Variants in WDR19 observed in about 807,000 individuals in gnomAD.
The protein encoded by WDR19 is WD repeat domain 19, also known as WD repeat-containing protein 19.
WDR19 carries 121 observed loss-of-function variants against 180.0 expected under a neutral mutation model. The observed-to-expected ratio is 0.67, with a 90% CI of 0.58 to 0.78. The LOEUF is 0.78. WDR19 is among the 30% of genes least tolerant of loss of function. The pLI, the probability that WDR19 is intolerant of heterozygous loss-of-function variation, is 0.00. For synonymous variants in WDR19, 497 were observed against 540.7 expected (o/e 0.92, Z 1.12); for missense variants, 1,450 against 1,640.7 (o/e 0.88, Z 2.01).
chr4:39,266,054 A>G lies in WDR19; in HGVS notation c.3184-9A>G, dbSNP rs2109483054. 1 of 1,552,520 alleles carries G rather than the reference A, an allele frequency of 6.4e-7. No individual in the cohort carries two copies. On this transcript the variant is annotated splice_polypyrimidine_tract_variant and intron_variant, in intron 28 of 36. Coordinates refer to ENST00000399820, the MANE Select transcript of WDR19 (RefSeq NM_025132.4). ...TGAATTTGCTGGGTTTTTCTCTCTT[A>G]TTAAACAGGTTGGTCAGGCCAAAGA...
intron 9 of WDR19, among the ~76,000 whole-genome samples, chr4:39,214,247 T>C (rs907310016): frequency 6.6e-6 from 1 of 152,162 alleles, no homozygotes; most frequent in African/African-American, 2.4e-5. Flanking sequence ...ACCTGTATCA[T>C]CTTACAATAA....
chr4:39,186,084 A>C (rs1444373887), intron 2 of WDR19, among the ~76,000 whole-genome samples: 1 of 152,244 alleles, frequency 6.6e-6, no homozygotes, highest in Non-Finnish European at 1.5e-5. Flanking sequence ...GAAAGTTCAT[A>C]GAACCTTTTC....
chr4:39,278,087 T>G (rs1484162362), intron 34 of WDR19, 44 bp from the exon 35 acceptor site: 5 of 1,524,010 alleles, frequency 3.3e-6, no homozygotes, highest in Non-Finnish European at 4.4e-6. Flanking sequence ...AGTGGGAGTT[T>G]TTAAAATAAA....
rs1480552569 is a variant in WDR19 at position 39,244,296 on chromosome 4, A to G, written c.2470A>G (p.Met824Val). 6.2e-7 allele frequency: 1 copy of G among 1,613,982 alleles called. No individual in the cohort carries two copies. The highest frequency in any genetic ancestry group is 2.2e-5 in the East Asian group (1 of 44,884). The part of the protein sequence containing the change: ...LAGVAQMSIR[M>V]GDIRRGVNQA... Reference sequence around the variant, plus strand: ...TGGAGTGGCCCAGATGTCCATAAGAATGGGAGACATACGTCGAGGGGTTAA... The same window carrying G: ...TGGAGTGGCCCAGATGTCCATAAGAGTGGGAGACATACGTCGAGGGGTTAA... Residue 824 changes from methionine (M) to valine (V), a missense_variant, in exon 22 of 37, where the codon ATG becomes GTG. Met to Val is a conservative substitution (Grantham distance 21). Coordinates refer to ENST00000399820, the MANE Select transcript of WDR19 (RefSeq NM_025132.4).
At chr4:39,275,098 G>A (rs1407904792) in intron 33 of WDR19, 140 bp downstream of exon 33, 1 of 1,044,998 alleles carries the variant, frequency 9.6e-7, no homozygotes, top group Non-Finnish European at 1.4e-6. Flanking sequence ...CCAACACTTT[G>A]GAAGGCTGAG....
At chr4:39,256,062 G>A (rs1733725579) in intron 27 of WDR19, 102 bp downstream of exon 27, 1 of 793,600 alleles carries the variant, frequency 1.3e-6, no homozygotes, top group East Asian at 2.7e-5. Flanking sequence ...GTAAATGCCA[G>A]TAACTCCCAC....
intron 24 of WDR19, among the ~76,000 whole-genome samples, chr4:39,252,624 C>T (rs1294817956): frequency 6.6e-6 from 1 of 151,274 alleles, no homozygotes; most frequent in Admixed American, 6.6e-5. Context: ...GATTTAATAC[C>T]CTTTTAAATA....
chr4:39,239,612 A>C (rs1244755967), intron 20 of WDR19, among the ~76,000 whole-genome samples: 1 of 152,208 alleles, frequency 6.6e-6, no homozygotes, highest in Admixed American at 6.5e-5. Context: ...GCAAACCACC[A>C]TGGCACATGT....
intron 4 of WDR19, among the ~76,000 whole-genome samples, chr4:39,190,440 C>G (rs1726033124): frequency 6.6e-6 from 1 of 152,204 alleles, no homozygotes; most frequent in African/African-American, 2.4e-5. Flanking sequence ...AAAAACTTGT[C>G]AGCATTTCCA....
intron 5 of WDR19, among the ~76,000 whole-genome samples, chr4:39,196,942 C>T (rs962380127): frequency 6.6e-6 from 1 of 152,168 alleles, no homozygotes; most frequent in African/African-American, 2.4e-5. Flanking sequence ...TGCATAGGTA[C>T]TGTATTAGAT....
At chr4:39,271,555 C>T (rs992214245) in intron 31 of WDR19, among the ~76,000 whole-genome samples, 1 of 151,984 alleles carries the variant, frequency 6.6e-6, no homozygotes. Flanking sequence ...GGCAACAGAG[C>T]GAGACCTCAA....
rs189368585 is a variant in WDR19 at position 39,255,732 on chromosome 4, T to C, written c.3002-116T>C. ...ATGAAAACAGACATTAATAATTACA[T>C]TGATGTTTGCTGTTAAGAGTTTTTA... On this transcript the variant is annotated intron_variant, in intron 26 of 36. Coordinates refer to ENST00000399820, the MANE Select transcript of WDR19 (RefSeq NM_025132.4). 1.7e-4 allele frequency: 87 copies of C among 498,802 alleles called. No individual in the cohort carries two copies. In the East Asian group the frequency reaches 1.9e-3, roughly 11 times the overall value. The allele number at this position is 498,802 out of a possible 1,614,324, so 30.9% of individuals were successfully genotyped here. A position where few individuals can be genotyped will look rare whatever the true frequency, so the allele number is the denominator to read the frequency against.
intron 29 of WDR19, among the ~76,000 whole-genome samples, chr4:39,266,944 A>C (rs1734856380): frequency 6.6e-6 from 1 of 152,168 alleles, no homozygotes; most frequent in Admixed American, 6.5e-5. Context: ...TTAGCCAGGC[A>C]TGGTGGCATG....
At chr4:39,223,131 T>C (rs2109345090) in intron 14 of WDR19, among the ~76,000 whole-genome samples, 1 of 152,348 alleles carries the variant, frequency 6.6e-6, no homozygotes, top group African/African-American at 2.4e-5. Context: ...GCATACGGAC[T>C]GACAGCCAAG....
chr4:39,184,965 T>C (rs902904818), intron 1 of WDR19, among the ~76,000 whole-genome samples: 1 of 152,178 alleles, frequency 6.6e-6, no homozygotes, highest in African/African-American at 2.4e-5. Flanking sequence ...ATATATTTTA[T>C]CTTACCCAGT....
chr4:39,207,197 T>C (rs966614201), intron 9 of WDR19, among the ~76,000 whole-genome samples: 1 of 152,118 alleles, frequency 6.6e-6, no homozygotes, highest in African/African-American at 2.4e-5. Flanking sequence ...GCAATAAATT[T>C]GATAGACTTA....
intron 1 of WDR19, among the ~76,000 whole-genome samples, chr4:39,184,410 T>A (rs1303953242): frequency 6.7e-6 from 1 of 150,230 alleles, no homozygotes; most frequent in Non-Finnish European, 1.5e-5. Context: ...AGACGCTGTC[T>A]AAAAAAAAAT....
At chr4:39,285,076 A>T (rs1310369664) in intron 36 of WDR19, among the ~76,000 whole-genome samples, 3 of 110,880 alleles carry the variant, frequency 2.7e-5, no homozygotes, top group Non-Finnish European at 5.3e-5. Flanking sequence ...GGAAAAAAAA[A>T]AAGACACACA....
intron 7 of WDR19, 130 bp from the exon 8 acceptor site, chr4:39,205,024 T>TA (rs1727800048): frequency 1.6e-6 from 1 of 623,928 alleles, no homozygotes; most frequent in South Asian, 2.2e-5. Context: ...TTGTACTAGT[T>TA]ACAGCATTTA....
Sources: gnomAD v4.1 joint callset for allele counts (sites outside exome capture counted in the v4.1 genomes callset) on GRCh38, gnomAD v4.1.1 for gene constraint, MANE v1.5 for transcripts, NCBI Gene and HGNC (gene_info 2026-07-23, HGNC 2026-07-21) for gene names.